MYO5A: variants seen among roughly 807,000 people sequenced by gnomAD.
The protein encoded by MYO5A is myosin VA.
In MYO5A, 98 loss-of-function variants were observed where a neutral mutation model predicts 249.7. The ratio of observed to expected loss-of-function variants is 0.39; its 90% confidence interval spans 0.33 to 0.46. The LOEUF (loss-of-function observed/expected upper bound fraction) is 0.46. Ranked by LOEUF, MYO5A falls within the 20% of genes least tolerant of loss-of-function variation. MYO5A has a pLI of 0.98. For synonymous variants in MYO5A, 778 were observed against 810.6 expected (o/e 0.96, Z 0.68); for missense variants, 1,696 against 2,308.8 (o/e 0.73, Z 5.44).
intron 26 of MYO5A, 98 bp downstream of exon 26, chr15:52,353,773 G>T: frequency 1.3e-6 from 2 of 1,599,452 alleles, no homozygotes; most frequent in Admixed American, 3.3e-5. Flanking sequence ...TAACCAAGTG[G>T]TGCTTGGATA....
intron 1 of MYO5A, among the ~76,000 whole-genome samples, chr15:52,501,809 CT>C (rs1254715618): frequency 1.3e-5 from 2 of 151,420 alleles, no homozygotes; most frequent in African/African-American, 4.9e-5. Context: ...TTTAAGCAGT[CT>C]AAACAGTCTA....
At chr15:52,493,576 C>T (rs1236952875) in intron 1 of MYO5A, among the ~76,000 whole-genome samples, 1 of 151,932 alleles carries the variant, frequency 6.6e-6, no homozygotes, top group East Asian at 1.9e-4. Context: ...GCAAGAGAAT[C>T]GCTTGAAGCC....
At chr15:52,372,457 G>A in intron 20 of MYO5A, 94 bp from the exon 21 acceptor site, 1 of 1,512,732 alleles carries the variant, frequency 6.6e-7, no homozygotes, top group East Asian at 2.3e-5. Context: ...ACATTACCTA[G>A]AGGAAAAGAC....
At chr15:52,385,116 A>C (rs1001320532) in intron 14 of MYO5A, among the ~76,000 whole-genome samples, 3 of 152,188 alleles carry the variant, frequency 2.0e-5, no homozygotes, top group Non-Finnish European at 2.9e-5. Flanking sequence ...ATTTTATGGA[A>C]AAAAAGAGAC....
At chr15:52,377,229 C>T (rs1950713598) in intron 18 of MYO5A, among the ~76,000 whole-genome samples, 1 of 152,076 alleles carries the variant, frequency 6.6e-6, no homozygotes, top group African/African-American at 2.4e-5. Context: ...CGAGAACATC[C>T]TGGCCAACAT....
At chr15:52,329,164 A>G (rs973458373) in intron 35 of MYO5A, 1 of 152,226 alleles carries the variant, frequency 6.6e-6, no homozygotes, top group Non-Finnish European at 1.5e-5. Flanking sequence ...TGCTGAATTG[A>G]TAAATCTGTT....
Position 52,416,134 on chromosome 15 carries a change from C to T in MYO5A, c.612+11G>A, listed in dbSNP as rs1420569945. 4.3e-6 allele frequency: 7 copies of T among 1,613,606 alleles called. No homozygotes were observed. Among genetic ancestry groups the T allele is most frequent in the South Asian group, 1.1e-5 (1 of 91,070 alleles). ...GAATATAGGAAGAAAGCCGAAGACT[C>T]GCTGTCTTACCTCCATGATGGGGTT... On this transcript the variant is annotated intron_variant, in intron 5 of 41. Transcript: ENST00000399233.
intron 1 of MYO5A, among the ~76,000 whole-genome samples, chr15:52,518,663 C>T (rs1432298822): frequency 6.6e-6 from 1 of 152,134 alleles, no homozygotes; most frequent in Non-Finnish European, 1.5e-5. Context: ...GAGATCATAT[C>T]TTTAAAGGAA....
intron 1 of MYO5A, among the ~76,000 whole-genome samples, chr15:52,500,804 C>A (rs2077139915): frequency 6.6e-6 from 1 of 152,182 alleles, no homozygotes; most frequent in East Asian, 1.9e-4. Flanking sequence ...TCTCCCTTCT[C>A]TCAAAAAACG....
intron 1 of MYO5A, among the ~76,000 whole-genome samples, chr15:52,465,323 T>C (rs537791798): frequency 2.6e-5 from 4 of 152,354 alleles, no homozygotes; most frequent in African/African-American, 9.6e-5. Flanking sequence ...TTATTAAGTG[T>C]CCTTTTAGCT....
intron 14 of MYO5A, 183 bp downstream of exon 14, chr15:52,387,646 C>A: frequency 1.8e-6 from 1 of 570,212 alleles, no homozygotes; most frequent in Non-Finnish European, 3.1e-6. Context: ...GATGAGTTAG[C>A]ATTTTCAATA....
chr15:52,450,665 C>CAA (rs543453662), intron 1 of MYO5A, among the ~76,000 whole-genome samples: 5 of 96,992 alleles, frequency 5.2e-5, no homozygotes, highest in African/African-American at 3.9e-5. Context: ...GAACTTGTCT[C>CAA]AAAAAAAAAA....
At chr15:52,384,379 T>C (rs1321817973) in intron 14 of MYO5A, 57 bp from the exon 15 acceptor site, 2 of 1,527,876 alleles carry the variant, frequency 1.3e-6, no homozygotes, top group Non-Finnish European at 1.8e-6. Context: ...AACGCAAACC[T>C]TCACAAAAGA....
At chr15:52,501,786 C>A (rs538777301) in intron 1 of MYO5A, among the ~76,000 whole-genome samples, 5 of 151,610 alleles carry the variant, frequency 3.3e-5, no homozygotes, top group African/African-American at 1.2e-4. Context: ...CTCTTGCCCA[C>A]AGAAAAAAAT....
chr15:52,442,617 A>G (rs2075805765), intron 1 of MYO5A, among the ~76,000 whole-genome samples: 1 of 152,158 alleles, frequency 6.6e-6, no homozygotes, highest in Admixed American at 6.5e-5. Context: ...AATCACAATA[A>G]CTAACCCCAG....
intron 34 of MYO5A, among the ~76,000 whole-genome samples, chr15:52,335,469 T>A (rs1035861214): frequency 7.0e-6 from 1 of 142,032 alleles, no homozygotes; most frequent in Non-Finnish European, 1.5e-5. Flanking sequence ...TGAGCCGAGA[T>A]TGCACCACTG....
intron 25 of MYO5A, among the ~76,000 whole-genome samples, chr15:52,359,681 T>C (rs1307985747): frequency 6.6e-6 from 1 of 152,178 alleles, no homozygotes; most frequent in Non-Finnish European, 1.5e-5. Context: ...ACATATCATG[T>C]TAGGGGTAAA....
intron 1 of MYO5A, among the ~76,000 whole-genome samples, chr15:52,495,923 G>A (rs2077028721): frequency 1.3e-5 from 2 of 151,976 alleles, no homozygotes; most frequent in African/African-American, 4.8e-5. Flanking sequence ...CACACCCCAG[G>A]GCCTGGCGTG....
chr15:52,432,572 T>TA (rs1292475153), intron 2 of MYO5A, among the ~76,000 whole-genome samples: 1 of 152,230 alleles, frequency 6.6e-6, no homozygotes, highest in Non-Finnish European at 1.5e-5. Flanking sequence ...GAAGTTTGGC[T>TA]TTCTTATTTG....
Sources: allele counts gnomAD v4.1 joint callset (sites outside exome capture counted in the v4.1 genomes callset), GRCh38; gene constraint gnomAD v4.1.1; transcripts MANE v1.5; gene names NCBI Gene and HGNC (gene_info 2026-07-23, HGNC 2026-07-21).